Variants in EBAG9 observed in about 807,000 individuals in gnomAD.
EBAG9 encodes the protein receptor-binding cancer antigen expressed on SiSo cells.
EBAG9 carries 16 observed loss-of-function variants against 30.9 expected under a neutral mutation model. The ratio of observed to expected loss-of-function variants is 0.52; its 90% confidence interval spans 0.35 to 0.79. The LOEUF is 0.79. Ranked by LOEUF, EBAG9 falls within the 30% of genes least tolerant of loss-of-function variation. The pLI, the probability that EBAG9 is intolerant of heterozygous loss-of-function variation, is 0.01. For synonymous variants in EBAG9, 93 were observed against 82.8 expected (o/e 1.12, Z -0.67); for missense variants, 197 against 242.1 (o/e 0.81, Z 1.24).
At chr8:109,559,440 A>G (rs1478530411) in intron 5 of EBAG9, among the ~76,000 whole-genome samples, 1 of 152,246 alleles carries the variant, frequency 6.6e-6, no homozygotes, top group Non-Finnish European at 1.5e-5. Context: ...CCTAGGTGAC[A>G]GAGTGAGACC....
At chr8:109,550,206 T>C (rs1307477045) in intron 1 of EBAG9, 1 of 152,278 alleles carries the variant, frequency 6.6e-6, no homozygotes, top group Admixed American at 6.5e-5. Flanking sequence ...TTATGACCAG[T>C]CCTTGCCCCT....
At chr8:109,550,540 A>G (rs1002827107) in intron 1 of EBAG9, 4 of 262,036 alleles carry the variant, frequency 1.5e-5, no homozygotes, top group Admixed American at 5.4e-5. Flanking sequence ...TTTGAATTGT[A>G]GATTTTTGTA....
At chr8:109,560,696 T>G (rs1821692880) in intron 5 of EBAG9, 142 bp from the exon 6 acceptor site, 5 of 562,750 alleles carry the variant, frequency 8.9e-6, no homozygotes, top group Middle Eastern at 8.0e-4. Context: ...ATCTGTGCCT[T>G]GTATAGGACA....
chr8:109,557,040 T>C lies in EBAG9; in HGVS notation c.427T>C (p.Ser143Pro). 2.5e-6 allele frequency: 4 copies of C among 1,587,872 alleles called. No individual in the cohort carries two copies. The highest frequency in any genetic ancestry group is 3.4e-6 in the Non-Finnish European group (4 of 1,161,194). ...ATQDLPFIHQ[S>P]SELGDLDTWQ... is the part of the protein sequence containing the mutation. ...ACAAGATCTGCCTTTTATTCATCAG[T>C]CTGTAAGTATGTTAATGGTTCTAGG... Residue 143 changes from serine (S) to proline (P), a missense_variant and splice_region_variant, in exon 5 of 7, where the codon TCT (serine) becomes CCT (proline). By Grantham distance (74) the Ser-to-Pro change is moderately conservative (BLOSUM62 -1). Transcript: ENST00000337573.
chr8:109,563,601 A>C, intron 6 of EBAG9: 1 of 1,481,832 alleles, frequency 6.7e-7, no homozygotes, highest in Non-Finnish European at 9.0e-7. Context: ...TTTAAACTTA[A>C]GTTCAGGGGG....
At chr8:109,553,834 C>G (rs1821542022) in intron 2 of EBAG9, 31 bp from the exon 3 acceptor site, 1 of 1,559,314 alleles carries the variant, frequency 6.4e-7, no homozygotes, top group African/African-American at 1.4e-5. Context: ...TTTGGTGGTT[C>G]TTGAAATAAA....
At position 109,565,089 on chromosome 8, in the gene EBAG9, A is replaced by T. The variant is rs1382142905; in HGVS notation, c.*530A>T. On this transcript the variant is annotated 3_prime_UTR_variant, in exon 7 of 7. Coordinates refer to ENST00000337573, the MANE Select transcript of EBAG9 (RefSeq NM_004215.5). ...TTTGAACTGGTATTGTTTACGTTTG[A>T]TACAACATTAAGGAATTTGATGATT... is the stretch of plus-strand genomic sequence containing the variant. The T allele has an allele frequency of 2.0e-5, 3 of 152,488 alleles. No homozygotes were observed. Among genetic ancestry groups the T allele is most frequent in the Non-Finnish European group, 4.4e-5 (3 of 67,970 alleles). The allele number at this position is 152,488 out of a possible 1,614,324, so 9.4% of individuals were successfully genotyped here. A position where few individuals can be genotyped will look rare whatever the true frequency, so the allele number is the denominator to read the frequency against.
chr8:109,546,777 A>C (rs534125230), intron 1 of EBAG9, among the ~76,000 whole-genome samples: 1 of 152,302 alleles, frequency 6.6e-6, no homozygotes, highest in East Asian at 1.9e-4. Flanking sequence ...ATATGGAATC[A>C]TACAGTGTAT....
chr8:109,557,729 A>G lies in EBAG9; in HGVS notation c.429+687A>G, dbSNP rs138618551. ...AACTCAGAATTTCTCATGAGTTTGCAGACAAGTCATTGGGTTGGGGCTACA... is the reference window on the plus strand; with the variant it reads ...AACTCAGAATTTCTCATGAGTTTGCGGACAAGTCATTGGGTTGGGGCTACA... On this transcript the variant is annotated intron_variant, in intron 5 of 6. Coordinates refer to ENST00000337573, the MANE Select transcript of EBAG9 (RefSeq NM_004215.5). 8.1e-4 allele frequency: 369 copies of G among 455,894 alleles called. 1 individual carries two copies. Among genetic ancestry groups the G allele is most frequent in the African/African-American group, 6.6e-3 (332 of 50,196 alleles). The allele number at this position is 455,894 out of a possible 1,614,324, so 28.2% of individuals were successfully genotyped here.
rs375108146 is a variant in EBAG9 at position 109,541,988 on chromosome 8, C to A, written c.-16+1527C>A. On this transcript the variant is annotated intron_variant, in intron 1 of 6. Transcript: ENST00000337573. ...TGAATTATTAAGAATGTTCCTTGTT[C>A]ATGAGATGTTCTTGGCTTTTGAATT... Among the ~76,000 whole-genome samples the A allele has an allele frequency of 4.6e-4, 70 of 152,160 alleles. No individual in the cohort carries two copies. In the South Asian group the frequency reaches 0.013, roughly 29 times the overall value.
chr8:109,552,388 A>G (rs1170433447), intron 2 of EBAG9, among the ~76,000 whole-genome samples: 1 of 152,162 alleles, frequency 6.6e-6, no homozygotes, highest in African/African-American at 2.4e-5. Flanking sequence ...GAAATCACCC[A>G]AGAGGATAGG....
rs1251786646 is a variant in EBAG9 at position 109,560,867 on chromosome 8, G to A, written c.459G>A (p.Gln153=). 1 of 1,612,890 alleles carries A rather than the reference G, an allele frequency of 6.2e-7. No homozygotes were observed. Among genetic ancestry groups the A allele is most frequent in the Middle Eastern group, 1.7e-4 (1 of 6,048 alleles). The change falls in exon 6 of 7, where the codon CAG becomes CAA. Residue 153 remains glutamine, a synonymous_variant. Coordinates refer to ENST00000337573, the MANE Select transcript of EBAG9 (RefSeq NM_004215.5). The part of the protein sequence containing the change: ...SSELGDLDTW[Q]ENTNAWEEEE... ...AATTAGGTGACTTAGATACCTGGCA[G>A]GAAAATACCAATGCATGGGAAGAAG...
chr8:109,559,327 G>A (rs1018661831), intron 5 of EBAG9, among the ~76,000 whole-genome samples: 11 of 152,010 alleles, frequency 7.2e-5, no homozygotes, highest in Non-Finnish European at 1.0e-4. Context: ...GTGGTGGTGC[G>A]TGCCTGTAGT....
rs191463643 is a variant in EBAG9 at position 109,542,141 on chromosome 8, A to G, written c.-16+1680A>G. ...TTGTGTGTTAACATTTTGATAGTGCATGGTTCATAGTAGACAGTCAATGAG... is the reference window on the plus strand; with the variant it reads ...TTGTGTGTTAACATTTTGATAGTGCGTGGTTCATAGTAGACAGTCAATGAG... On this transcript the variant is annotated intron_variant, in intron 1 of 6. Transcript: ENST00000337573. Among the ~76,000 whole-genome samples the G allele has an allele frequency of 6.2e-3, 943 of 152,302 alleles. 12 individuals carry two copies. Among genetic ancestry groups the G allele is most frequent in the African/African-American group, 0.022 (901 of 41,562 alleles).
intron 6 of EBAG9, chr8:109,563,423 G>A (rs1821747356): frequency 2.5e-6 from 4 of 1,597,324 alleles, no homozygotes; most frequent in African/African-American, 1.3e-5. Flanking sequence ...TGTTTACTCT[G>A]CTCTCTCCTG....
At chr8:109,543,493 T>C (rs1821320278) in intron 1 of EBAG9, among the ~76,000 whole-genome samples, 1 of 152,162 alleles carries the variant, frequency 6.6e-6, no homozygotes, top group African/African-American at 2.4e-5. Flanking sequence ...TTATTTTTTA[T>C]GTGTTTGTTT....
In EBAG9 at chr8:109,550,919, T is replaced by A; in HGVS notation, c.83+12T>A. On this transcript the variant is annotated intron_variant, in intron 2 of 6. Transcript: ENST00000337573. ...AGATTAATATGCAGGTAAATAAGTT[T>A]TATGTTCAAACTAACCTGTTTATCT... The A allele has an allele frequency of 6.5e-7, 1 of 1,534,244 alleles. No individual in the cohort carries two copies. Among genetic ancestry groups the A allele is most frequent in the South Asian group, 1.2e-5 (1 of 85,332 alleles).
chr8:109,544,212 A>G (rs1821338338), intron 1 of EBAG9, among the ~76,000 whole-genome samples: 1 of 152,198 alleles, frequency 6.6e-6, no homozygotes. Flanking sequence ...ATGTGGTCAC[A>G]TGATAATTAT....
intron 1 of EBAG9, chr8:109,540,790 T>C (rs1371888609): frequency 6.6e-6 from 1 of 152,246 alleles, no homozygotes; most frequent in Non-Finnish European, 1.5e-5. Flanking sequence ...CAGAGAGTTA[T>C]AGTTTGAGGA....
Sources: allele counts gnomAD v4.1 joint callset (sites outside exome capture counted in the v4.1 genomes callset), GRCh38; gene constraint gnomAD v4.1.1; transcripts MANE v1.5; gene names NCBI Gene and HGNC (gene_info 2026-07-23, HGNC 2026-07-21).